EPHA6: variants seen among roughly 807,000 people sequenced by gnomAD.
EPHA6 encodes the protein ephrin type-A receptor 6.
EPHA6 carries 50 observed loss-of-function variants against 112.0 expected under a neutral mutation model. That is an observed-to-expected ratio of 0.45 (90% CI 0.36 to 0.56). The LOEUF is 0.56. Among genes scored for constraint, EPHA6 ranks in the 20% least tolerant of loss-of-function variants. The pLI is 0.00. For missense variants in EPHA6, 1,280 were observed against 1,417.4 expected (o/e 0.90, Z 1.56); for synonymous variants, 529 against 490.7 (o/e 1.08, Z -1.03).
intron 3 of EPHA6, among the ~76,000 whole-genome samples, chr3:97,214,813 A>G (rs775354038): frequency 2.6e-5 from 4 of 152,210 alleles, no homozygotes; most frequent in Non-Finnish European, 4.4e-5. Flanking sequence ...AAGAAACAAC[A>G]TATGTGTGTT....
chr3:97,494,376 A>AG (rs2091925863), intron 10 of EPHA6, among the ~76,000 whole-genome samples: 1 of 152,166 alleles, frequency 6.6e-6, no homozygotes, highest in Non-Finnish European at 1.5e-5. Flanking sequence ...TCTTTTCCTG[A>AG]TCTTGTCCCT....
At chr3:97,458,404 A>T (rs567952125) in intron 7 of EPHA6, among the ~76,000 whole-genome samples, 84 of 152,226 alleles carry the variant, frequency 5.5e-4, no homozygotes, top group Non-Finnish European at 1.0e-3. Flanking sequence ...TAGTTTTTTT[A>T]AATTAGTTAT....
intron 11 of EPHA6, among the ~76,000 whole-genome samples, chr3:97,563,555 A>T (rs1385463741): frequency 6.6e-6 from 1 of 152,192 alleles, no homozygotes; most frequent in African/African-American, 2.4e-5. Flanking sequence ...ACATTATCAG[A>T]TGTATACGTT....
chr3:97,597,241 G>A (rs2093602392), intron 12 of EPHA6, among the ~76,000 whole-genome samples: 1 of 151,966 alleles, frequency 6.6e-6, no homozygotes, highest in Admixed American at 6.6e-5. Flanking sequence ...TGTGCTTTAA[G>A]TACAATGCTA....
chr3:97,102,661 A>G (rs1212537789), intron 3 of EPHA6, among the ~76,000 whole-genome samples: 2 of 152,122 alleles, frequency 1.3e-5, no homozygotes, highest in Non-Finnish European at 2.9e-5. Context: ...GCTGGGTTAA[A>G]TGGTAGTTCT....
At chr3:97,521,150 T>A (rs530881893) in intron 10 of EPHA6, among the ~76,000 whole-genome samples, 1 of 152,138 alleles carries the variant, frequency 6.6e-6, no homozygotes, top group South Asian at 2.1e-4. Context: ...CTATTGTATC[T>A]CATTGAGCTT....
At chr3:97,589,269 A>G (rs2093520954) in intron 11 of EPHA6, among the ~76,000 whole-genome samples, 2 of 151,296 alleles carry the variant, frequency 1.3e-5, no homozygotes, top group Admixed American at 6.6e-5. Context: ...AAGATTGGAC[A>G]CCCCTTGTTA....
chr3:96,925,793 G>A (rs542217579), intron 2 of EPHA6, among the ~76,000 whole-genome samples: 1 of 151,924 alleles, frequency 6.6e-6, no homozygotes, highest in African/African-American at 2.4e-5. Context: ...TTTAGTAGAG[G>A]TGGGGTTTCA....
chr3:97,570,605 C>G (rs2093323388), intron 11 of EPHA6, among the ~76,000 whole-genome samples: 1 of 151,956 alleles, frequency 6.6e-6, no homozygotes, highest in Non-Finnish European at 1.5e-5. Flanking sequence ...TGGCAGGCAC[C>G]TGTAATCCCA....
At chr3:97,536,819 C>T (rs1026190013) in intron 11 of EPHA6, among the ~76,000 whole-genome samples, 1 of 152,142 alleles carries the variant, frequency 6.6e-6, no homozygotes. Flanking sequence ...ATATTTGGGA[C>T]AGTCCCATAA....
intron 5 of EPHA6, among the ~76,000 whole-genome samples, chr3:97,331,266 T>A (rs2082783764): frequency 6.6e-6 from 1 of 152,102 alleles, no homozygotes; most frequent in Admixed American, 6.6e-5. Context: ...GAGGGAAATT[T>A]ATAGCACTAA....
chr3:97,096,643 AG>A, intron 3 of EPHA6, among the ~76,000 whole-genome samples: 1 of 152,056 alleles, frequency 6.6e-6, no homozygotes, highest in South Asian at 2.1e-4. Flanking sequence ...CAGTATATTC[AG>A]GTGTCTTTTA....
At chr3:97,746,960 G>A (rs937931605) in intron 16 of EPHA6, among the ~76,000 whole-genome samples, 1 of 151,926 alleles carries the variant, frequency 6.6e-6, no homozygotes, top group Non-Finnish European at 1.5e-5. Flanking sequence ...AACTATCACA[G>A]CAAATGTAGA....
intron 3 of EPHA6, among the ~76,000 whole-genome samples, chr3:97,103,830 G>A (rs2047482100): frequency 6.6e-6 from 1 of 151,990 alleles, no homozygotes; most frequent in African/African-American, 2.4e-5. Flanking sequence ...TTTGAGCAGT[G>A]TTTTGTAGTT....
chr3:97,739,592 T>TTTG (rs1179894678), intron 16 of EPHA6, among the ~76,000 whole-genome samples: 1 of 152,152 alleles, frequency 6.6e-6, no homozygotes, highest in Admixed American at 6.6e-5. Flanking sequence ...TCAGAGTACC[T>TTTG]AAATTGAAAA....
chr3:97,481,106 T>C, intron 9 of EPHA6: 2 of 552,940 alleles, frequency 3.6e-6, no homozygotes, highest in South Asian at 1.6e-5. Context: ...TCTCGACACT[T>C]TGGGAGGCCA....
At chr3:97,226,194 T>G (rs2078350366) in intron 3 of EPHA6, 70 bp from the exon 4 acceptor site, 1 of 1,265,060 alleles carries the variant, frequency 7.9e-7, no homozygotes, top group Admixed American at 2.4e-5. Flanking sequence ...AATTAAAGTA[T>G]GTTGTACATG....
intron 14 of EPHA6, among the ~76,000 whole-genome samples, chr3:97,694,774 A>T (rs1472236857): frequency 6.6e-6 from 1 of 152,230 alleles, no homozygotes; most frequent in African/African-American, 2.4e-5. Context: ...ACTCAGGATT[A>T]AAAACGTGGC....
In EPHA6 at chr3:97,244,090, C is replaced by T; in HGVS notation, c.1409C>T (p.Thr470Ile). ...ATCTGTAAGAAATGTGGCTTAGACA[C>T]CAGCCAGTGTGAGGACTGTGGTGGA... ...SVICKKCGLDTSQCEDCGGGL... is the reference protein window; with the variant it reads ...SVICKKCGLDISQCEDCGGGL... Residue 470 changes from threonine (T) to isoleucine (I), a missense_variant, in exon 5 of 18, where the codon ACC (threonine) becomes ATC (isoleucine). Transcript: ENST00000389672. 1 of 1,612,932 alleles carries T rather than the reference C, an allele frequency of 6.2e-7. No homozygotes were observed. Among genetic ancestry groups the T allele is most frequent in the Non-Finnish European group, 8.5e-7 (1 of 1,179,312 alleles).
Sources: allele counts gnomAD v4.1 joint callset (sites outside exome capture counted in the v4.1 genomes callset), GRCh38; gene constraint gnomAD v4.1.1; transcripts MANE v1.5; gene names NCBI Gene and HGNC (gene_info 2026-07-23, HGNC 2026-07-21).